Variants in NRG3 observed in about 807,000 individuals in gnomAD.
The protein encoded by NRG3 is neuregulin 3, also known as pro-neuregulin-3, membrane-bound isoform.
NRG3 carries 31 observed loss-of-function variants against 66.9 expected under a neutral mutation model. The ratio of observed to expected loss-of-function variants is 0.46; its 90% confidence interval spans 0.35 to 0.63. The LOEUF (loss-of-function observed/expected upper bound fraction) is 0.63. Ranked by LOEUF, NRG3 falls within the 20% of genes least tolerant of loss-of-function variation. The pLI, the probability that NRG3 is intolerant of heterozygous loss-of-function variation, is 0.00. For missense variants in NRG3, 910 were observed against 878.9 expected (o/e 1.04, Z -0.45); for synonymous variants, 393 against 359.4 (o/e 1.09, Z -1.06).
At chr10:82,440,660 G>T (rs2090389725) in intron 2 of NRG3, among the ~76,000 whole-genome samples, 1 of 151,862 alleles carries the variant, frequency 6.6e-6, no homozygotes. Flanking sequence ...AATCAGCTTT[G>T]AACTATGCAA....
intron 2 of NRG3, among the ~76,000 whole-genome samples, chr10:82,513,256 T>G (rs1169672040): frequency 3.3e-5 from 5 of 152,212 alleles, no homozygotes; most frequent in African/African-American, 9.6e-5. Flanking sequence ...GGCTTCCAGC[T>G]CCAACCACAT....
chr10:82,850,942 A>G (rs1029055320), intron 3 of NRG3, among the ~76,000 whole-genome samples: 2 of 152,144 alleles, frequency 1.3e-5, no homozygotes, highest in East Asian at 3.9e-4. Flanking sequence ...CTTGAAACCT[A>G]TCACCTGAGT....
At chr10:81,957,372 C>CTTCTCTCCCTTACATCA (rs1485021541) in intron 1 of NRG3, among the ~76,000 whole-genome samples, 27 of 152,090 alleles carry the variant, frequency 1.8e-4, no homozygotes, top group Non-Finnish European at 3.7e-4. Flanking sequence ...GCCTGCTGCT[C>CTTCTCTCCCTTACATCA]TTCTCTCCCT....
chr10:82,740,792 C>G (rs573225035), intron 3 of NRG3, among the ~76,000 whole-genome samples: 28 of 146,344 alleles, frequency 1.9e-4, no homozygotes, highest in Non-Finnish European at 3.6e-4. Flanking sequence ...CCACTGTACT[C>G]CAGCCTGGGT....
At chr10:82,398,108 C>G (rs914638480) in intron 2 of NRG3, among the ~76,000 whole-genome samples, 1 of 152,174 alleles carries the variant, frequency 6.6e-6, no homozygotes, top group African/African-American at 2.4e-5. Context: ...ACACCCAGGG[C>G]TTGGGCTAGG....
intron 1 of NRG3, among the ~76,000 whole-genome samples, chr10:81,945,345 A>G (rs1157518908): frequency 6.6e-6 from 1 of 150,436 alleles, no homozygotes; most frequent in Non-Finnish European, 1.5e-5. Context: ...CCTCCTTCTA[A>G]GTCTTCCCCT....
At chr10:82,885,796 A>G (rs1842671998) in intron 4 of NRG3, among the ~76,000 whole-genome samples, 1 of 152,022 alleles carries the variant, frequency 6.6e-6, no homozygotes, top group South Asian at 2.1e-4. Flanking sequence ...TCCTGAGCTC[A>G]GGCAATCCGC....
intron 3 of NRG3, among the ~76,000 whole-genome samples, chr10:82,770,627 A>C (rs183940467): frequency 6.6e-6 from 1 of 152,264 alleles, no homozygotes; most frequent in Admixed American, 6.5e-5. Flanking sequence ...AACAAACACT[A>C]GGAGGTGTTT....
At chr10:81,969,335 T>G (rs886520684) in intron 1 of NRG3, among the ~76,000 whole-genome samples, 2 of 152,174 alleles carry the variant, frequency 1.3e-5, no homozygotes, top group Non-Finnish European at 2.9e-5. Flanking sequence ...CTGTAAGTAA[T>G]AAGACCTGCA....
chr10:81,911,603 GTTTTTTTTTTTTTTTT>G (rs796518872), intron 1 of NRG3, among the ~76,000 whole-genome samples: 1 of 77,944 alleles, frequency 1.3e-5, no homozygotes, highest in Non-Finnish European at 2.6e-5. Context: ...GCACAGACTT[GTTTTTTTTTTTTTTTT>G]TTTTTTTTTT....
chr10:82,111,318 A>G (rs1229195888), intron 1 of NRG3, among the ~76,000 whole-genome samples: 1 of 152,202 alleles, frequency 6.6e-6, no homozygotes, highest in Non-Finnish European at 1.5e-5. Flanking sequence ...TTCTTAAACC[A>G]GGTCTCCCTC....
intron 3 of NRG3, among the ~76,000 whole-genome samples, chr10:82,848,753 T>G (rs1199039970): frequency 6.6e-6 from 1 of 152,112 alleles, no homozygotes; most frequent in Non-Finnish European, 1.5e-5. Context: ...GGGAGACAAT[T>G]GAATCACGGG....
chr10:82,628,151 T>A (rs529762000), intron 2 of NRG3, among the ~76,000 whole-genome samples: 15 of 152,330 alleles, frequency 9.8e-5, no homozygotes, highest in Non-Finnish European at 1.9e-4. Flanking sequence ...TATCATGGAA[T>A]ATGTTTTACA....
intron 1 of NRG3, among the ~76,000 whole-genome samples, chr10:82,218,536 G>A (rs572891743): frequency 5.3e-5 from 8 of 152,228 alleles, no homozygotes; most frequent in South Asian, 4.2e-4. Flanking sequence ...ACAGAGGTAT[G>A]CATCTTTGAA....
chr10:82,850,500 C>T (rs2063509608), intron 3 of NRG3, among the ~76,000 whole-genome samples: 1 of 151,932 alleles, frequency 6.6e-6, no homozygotes, highest in Non-Finnish European at 1.5e-5. Flanking sequence ...ATCTGTCAAC[C>T]TGAAAAAAGA....
At chr10:81,999,840 A>T (rs1454642648) in intron 1 of NRG3, among the ~76,000 whole-genome samples, 1 of 152,188 alleles carries the variant, frequency 6.6e-6, no homozygotes, top group Admixed American at 6.5e-5. Context: ...ATGTGAGTCC[A>T]GTGTAGTGGG....
Position 82,282,600 on chromosome 10 carries a change from G to C in NRG3, c.824-76139G>C, listed in dbSNP as rs2079184360. On this transcript the variant is annotated intron_variant, in intron 1 of 8. Coordinates refer to ENST00000372141, the MANE Select transcript of NRG3 (RefSeq NM_001010848.4). ...AAGTTGATTTATGCTTCTAGCCTCGGTTTCCTCATGTAAAAAGTGGAGAAA... is the reference window on the plus strand; with the variant it reads ...AAGTTGATTTATGCTTCTAGCCTCGCTTTCCTCATGTAAAAAGTGGAGAAA... Among the ~76,000 whole-genome samples the C allele has an allele frequency of 1.3e-5, 2 of 152,134 alleles. 1 individual carries two copies. The highest frequency in any genetic ancestry group is 2.9e-5 in the Non-Finnish European group (2 of 68,032).
chr10:82,539,504 GA>G (rs1229981467), intron 2 of NRG3, among the ~76,000 whole-genome samples: 2 of 152,084 alleles, frequency 1.3e-5, no homozygotes, highest in Non-Finnish European at 2.9e-5. Context: ...GCTAAGTCAG[GA>G]CAACCATACC....
At chr10:82,772,535 T>G (rs2059751572) in intron 3 of NRG3, among the ~76,000 whole-genome samples, 1 of 152,034 alleles carries the variant, frequency 6.6e-6, no homozygotes, top group Admixed American at 6.6e-5. Flanking sequence ...ATATTTGTCA[T>G]CTTTTTTTTC....
Sources: allele counts gnomAD v4.1 joint callset (sites outside exome capture counted in the v4.1 genomes callset), GRCh38; gene constraint gnomAD v4.1.1; transcripts MANE v1.5; gene names NCBI Gene and HGNC (gene_info 2026-07-23, HGNC 2026-07-21).